PTPRD: variants seen among roughly 807,000 people sequenced by gnomAD.
The protein encoded by PTPRD is protein tyrosine phosphatase receptor type D.
Under a neutral mutation model 214.5 loss-of-function variants are expected in PTPRD, and 34 were observed. The ratio of observed to expected loss-of-function variants is 0.16; its 90% CI spans 0.12 to 0.21. The LOEUF (loss-of-function observed/expected upper bound fraction) is 0.21, where lower values mean the gene tolerates loss of function less well. PTPRD is among the 10% of genes least tolerant of loss of function. The pLI is 1.00. For synonymous variants in PTPRD, 1,128 were observed against 845.7 expected (o/e 1.33, Z -5.79); for missense variants, 2,545 against 2,398.7 (o/e 1.06, Z -1.27).
chr9:8,630,959 G>T (rs1376494992), intron 14 of PTPRD, among the ~76,000 whole-genome samples: 1 of 151,902 alleles, frequency 6.6e-6, no homozygotes, highest in Non-Finnish European at 1.5e-5. Context: ...AAACGTTTCT[G>T]ATAAGTTTTA....
chr9:10,200,003 AT>A (rs1423194667), intron 3 of PTPRD, among the ~76,000 whole-genome samples: 2 of 152,042 alleles, frequency 1.3e-5, no homozygotes, highest in Non-Finnish European at 2.9e-5. Flanking sequence ...AAATACAATT[AT>A]TTATCCTAGC....
intron 9 of PTPRD, among the ~76,000 whole-genome samples, chr9:9,289,207 C>A (rs1330728441): frequency 6.6e-6 from 1 of 151,696 alleles, no homozygotes; most frequent in Non-Finnish European, 1.5e-5. Flanking sequence ...TAAACTAACA[C>A]CATCCTTCAA....
intron 34 of PTPRD, among the ~76,000 whole-genome samples, chr9:8,446,928 A>C (rs1364498630): frequency 3.3e-5 from 5 of 152,228 alleles, no homozygotes; most frequent in African/African-American, 9.6e-5. Flanking sequence ...TATGGTAATT[A>C]ACAGCCGCTG....
intron 9 of PTPRD, among the ~76,000 whole-genome samples, chr9:9,303,702 A>G (rs1335378037): frequency 2.6e-5 from 4 of 152,126 alleles, no homozygotes; most frequent in Non-Finnish European, 4.4e-5. Flanking sequence ...GGAAGTGCAC[A>G]TCCACATTTC....
chr9:10,064,783 G>C (rs2097846056), intron 3 of PTPRD, among the ~76,000 whole-genome samples: 1 of 151,772 alleles, frequency 6.6e-6, no homozygotes, highest in Non-Finnish European at 1.5e-5. Context: ...AAAAAAACTT[G>C]CACATGTACT....
chr9:10,478,701 A>G (rs553595202), intron 2 of PTPRD, among the ~76,000 whole-genome samples: 87 of 151,766 alleles, frequency 5.7e-4, no homozygotes, highest in Non-Finnish European at 1.1e-3. Flanking sequence ...AAATACAATT[A>G]CAGAGTTACT....
chr9:8,701,889 C>A (rs1259330757), intron 12 of PTPRD, among the ~76,000 whole-genome samples: 1 of 152,086 alleles, frequency 6.6e-6, no homozygotes, highest in Admixed American at 6.5e-5. Flanking sequence ...TTATTGTAAT[C>A]TTTATTCTTT....
At chr9:8,807,834 T>C (rs1010339551) in intron 11 of PTPRD, among the ~76,000 whole-genome samples, 1 of 152,132 alleles carries the variant, frequency 6.6e-6, no homozygotes, top group African/African-American at 2.4e-5. Context: ...GAACCTTTAA[T>C]AAAATATACA....
intron 2 of PTPRD, among the ~76,000 whole-genome samples, chr9:10,363,123 C>A (rs1003573957): frequency 1.3e-5 from 2 of 152,122 alleles, no homozygotes; most frequent in Non-Finnish European, 2.9e-5. Flanking sequence ...TCTAGATTTT[C>A]TGATTTATTT....
intron 11 of PTPRD, among the ~76,000 whole-genome samples, chr9:8,765,599 C>G (rs775613692): frequency 6.6e-6 from 1 of 152,120 alleles, no homozygotes; most frequent in Non-Finnish European, 1.5e-5. Context: ...CATCTCTGGC[C>G]GACATCTTGA....
At chr9:8,404,343 G>C (rs1299033113) in intron 36 of PTPRD, among the ~76,000 whole-genome samples, 194 bp downstream of exon 36, 2 of 152,070 alleles carry the variant, frequency 1.3e-5, no homozygotes, top group Admixed American at 1.3e-4. Context: ...TGGCCAGGCT[G>C]GTCTCGAACT....
At chr9:9,422,538 A>G (rs1426709227) in intron 8 of PTPRD, among the ~76,000 whole-genome samples, 1 of 152,090 alleles carries the variant, frequency 6.6e-6, no homozygotes, top group Non-Finnish European at 1.5e-5. Flanking sequence ...CGGTAAATTC[A>G]TTGGACGTAA....
At chr9:9,488,773 A>C (rs908115474) in intron 8 of PTPRD, among the ~76,000 whole-genome samples, 5 of 152,094 alleles carry the variant, frequency 3.3e-5, no homozygotes, top group Non-Finnish European at 7.4e-5. Flanking sequence ...ATTTCTGATG[A>C]ATTTCAATGC....
intron 2 of PTPRD, among the ~76,000 whole-genome samples, chr9:10,512,011 CGTGTGTGTATAT>C (rs1566642630): frequency 2.4e-5 from 1 of 41,192 alleles, no homozygotes; most frequent in African/African-American, 1.2e-4. Context: ...TATATATATA[CGTGTGTGTATAT>C]ATATATGTAT....
At chr9:8,972,840 C>G (rs573035967) in intron 11 of PTPRD, among the ~76,000 whole-genome samples, 1 of 151,762 alleles carries the variant, frequency 6.6e-6, no homozygotes, top group South Asian at 2.1e-4. Flanking sequence ...AAATATGTGC[C>G]ATAGATAAAT....
At chr9:10,371,828 G>A (rs2097628586) in intron 2 of PTPRD, among the ~76,000 whole-genome samples, 1 of 152,134 alleles carries the variant, frequency 6.6e-6, no homozygotes, top group African/African-American at 2.4e-5. Flanking sequence ...TATGGTGTAT[G>A]TCTCAGAATT....
chr9:10,542,728 AT>A (rs1566838966), intron 2 of PTPRD, among the ~76,000 whole-genome samples: 1 of 151,544 alleles, frequency 6.6e-6, no homozygotes, highest in Non-Finnish European at 1.5e-5. Flanking sequence ...TAATTTATTT[AT>A]TTTTTTGAGA....
intron 5 of PTPRD, among the ~76,000 whole-genome samples, chr9:9,845,930 A>G (rs762404368): frequency 6.4e-4 from 97 of 152,252 alleles, no homozygotes; most frequent in Non-Finnish European, 4.6e-4. Context: ...GAGAAGGAGC[A>G]GAGTAACTCA....
intron 2 of PTPRD, among the ~76,000 whole-genome samples, chr9:10,451,079 T>A (rs1390899007): frequency 6.6e-6 from 1 of 151,928 alleles, no homozygotes; most frequent in Non-Finnish European, 1.5e-5. Flanking sequence ...ATGTTTTTAG[T>A]CCACCATATT....
Sources: gnomAD v4.1 joint callset for allele counts (sites outside exome capture counted in the v4.1 genomes callset) on GRCh38, gnomAD v4.1.1 for gene constraint, MANE v1.5 for transcripts, NCBI Gene and HGNC (gene_info 2026-07-23, HGNC 2026-07-21) for gene names.